Variants in GAB1 observed in about 807,000 individuals in gnomAD.
The protein encoded by GAB1 is GRB2 associated binding protein 1, also known as GRB2-associated-binding protein 1.
A neutral mutation model predicts 66.5 loss-of-function variants in GAB1; 19 were observed. The ratio of observed to expected loss-of-function variants is 0.29; its 90% CI spans 0.20 to 0.42. GAB1 has a LOEUF of 0.42. GAB1 is among the 10% of genes least tolerant of loss of function. The pLI, the probability that GAB1 is intolerant of heterozygous loss-of-function variation, is 1.00. For missense variants in GAB1, 732 were observed against 858.5 expected, an observed-to-expected ratio of 0.85 and a Z score of 1.84; for synonymous variants, 294 against 301.4, an observed-to-expected ratio of 0.98 and a Z score of 0.25.
chr4:143,423,730 C>T (rs1275784293), intron 2 of GAB1, among the ~76,000 whole-genome samples: 5 of 140,932 alleles, frequency 3.5e-5, no homozygotes, highest in African/African-American at 2.6e-5. Flanking sequence ...TGAGCCAGAT[C>T]GCGCCACTGC....
chr4:143,350,658 AC>A (rs1401153256), intron 1 of GAB1, among the ~76,000 whole-genome samples: 1 of 148,356 alleles, frequency 6.7e-6, no homozygotes, highest in Non-Finnish European at 1.5e-5. Context: ...AGCCTGGGCA[AC>A]AAGCGTGAAA....
Position 143,375,483 on chromosome 4 carries a change from G to C in GAB1, c.72+38223G>C, listed in dbSNP as rs77192021. Among the ~76,000 whole-genome samples the C allele has an allele frequency of 8.9e-3, 1,353 of 152,270 alleles. 21 individuals carry two copies. Among genetic ancestry groups the C allele is most frequent in the African/African-American group, 0.031 (1,292 of 41,546 alleles). Reference sequence around the variant, plus strand: ...CTCCTTCACTAGATGGTAGCACCTGGAAGTCAGGGATCATTGCTGACTTAT... The same window carrying C: ...CTCCTTCACTAGATGGTAGCACCTGCAAGTCAGGGATCATTGCTGACTTAT... On this transcript the variant is annotated intron_variant, in intron 1 of 9. Transcript: ENST00000262994.
At chr4:143,374,035 A>G (rs1730304346) in intron 1 of GAB1, among the ~76,000 whole-genome samples, 2 of 151,316 alleles carry the variant, frequency 1.3e-5, no homozygotes, top group South Asian at 2.1e-4. Context: ...ATGCCTCCTT[A>G]TTTATGAGTT....
chr4:143,373,085 G>A (rs1730213263), intron 1 of GAB1, among the ~76,000 whole-genome samples: 1 of 144,212 alleles, frequency 6.9e-6, no homozygotes, highest in Non-Finnish European at 1.5e-5. Flanking sequence ...ACACATCTGT[G>A]TTACTTGACT....
At chr4:143,368,798 T>C (rs1729991975) in intron 1 of GAB1, among the ~76,000 whole-genome samples, 1 of 152,164 alleles carries the variant, frequency 6.6e-6, no homozygotes, top group African/African-American at 2.4e-5. Flanking sequence ...TATAAAGAAA[T>C]ACGAACTCTT....
intron 6 of GAB1, among the ~76,000 whole-genome samples, chr4:143,449,940 C>G (rs577527173): frequency 1.3e-5 from 2 of 152,040 alleles, no homozygotes; most frequent in East Asian, 3.9e-4. Flanking sequence ...GTAAAGCCTA[C>G]TTGATCATTA....
intron 1 of GAB1, among the ~76,000 whole-genome samples, chr4:143,412,238 C>T (rs1261438979): frequency 6.6e-6 from 1 of 152,182 alleles, no homozygotes; most frequent in Non-Finnish European, 1.5e-5. Flanking sequence ...AGGACATGTT[C>T]TGTGCTTTTC....
chr4:143,432,671 A>G (rs1356805324), intron 2 of GAB1, among the ~76,000 whole-genome samples: 1 of 152,182 alleles, frequency 6.6e-6, no homozygotes, highest in Admixed American at 6.5e-5. Context: ...TTCTATTCCT[A>G]AACAGACTAA....
intron 1 of GAB1, chr4:143,395,049 G>A (rs1379065097): frequency 2.0e-5 from 3 of 152,192 alleles, no homozygotes; most frequent in Non-Finnish European, 4.4e-5. Context: ...CATTGTCATT[G>A]CCCATAGGGA....
intron 1 of GAB1, among the ~76,000 whole-genome samples, chr4:143,379,598 G>A (rs960038930): frequency 6.6e-6 from 1 of 151,990 alleles, no homozygotes; most frequent in Admixed American, 6.6e-5. Context: ...CCGGCTGATC[G>A]ATTGCTTGAT....
At chr4:143,403,704 T>A (rs1164822094) in intron 1 of GAB1, among the ~76,000 whole-genome samples, 2 of 152,236 alleles carry the variant, frequency 1.3e-5, no homozygotes, top group Non-Finnish European at 2.9e-5. Context: ...TCATTATCTG[T>A]GCCATAATTT....
chr4:143,369,618 A>G (rs1345344137), intron 1 of GAB1, among the ~76,000 whole-genome samples: 1 of 152,228 alleles, frequency 6.6e-6, no homozygotes, highest in Non-Finnish European at 1.5e-5. Flanking sequence ...CACAATATAT[A>G]TATGATTTCC....
chr4:143,398,298 T>C (rs1731562087), intron 1 of GAB1, among the ~76,000 whole-genome samples: 1 of 152,244 alleles, frequency 6.6e-6, no homozygotes, highest in African/African-American at 2.4e-5. Context: ...CTGCTTATTT[T>C]AGTACCTTTA....
intron 6 of GAB1, among the ~76,000 whole-genome samples, chr4:143,446,251 C>T (rs1324387388): frequency 6.6e-6 from 1 of 152,160 alleles, no homozygotes; most frequent in Admixed American, 6.5e-5. Context: ...CTGCAATAAA[C>T]ATACGTGTGC....
chr4:143,452,025 G>A (rs535172933), intron 6 of GAB1, among the ~76,000 whole-genome samples: 6 of 152,158 alleles, frequency 3.9e-5, no homozygotes, highest in African/African-American at 1.2e-4. Flanking sequence ...GTGTGAAATC[G>A]TGGTGCTACA....
intron 1 of GAB1, among the ~76,000 whole-genome samples, chr4:143,388,187 G>A: frequency 6.6e-6 from 1 of 151,928 alleles, no homozygotes; most frequent in Non-Finnish European, 1.5e-5. Context: ...ACTGCTTTCT[G>A]TGTGGGATTA....
chr4:143,430,969 C>T (rs1733619480), intron 2 of GAB1, among the ~76,000 whole-genome samples: 1 of 152,140 alleles, frequency 6.6e-6, no homozygotes, highest in South Asian at 2.1e-4. Flanking sequence ...TAGGCTTTTT[C>T]TATGTCTCAA....
Position 143,469,411 on chromosome 4 carries a change from A to G in GAB1, c.*222A>G, listed in dbSNP as rs1735973089. 2.1e-6 allele frequency: 1 copy of G among 469,712 alleles called. No individual in the cohort carries two copies. Among genetic ancestry groups the G allele is most frequent in the Admixed American group, 3.3e-5 (1 of 30,738 alleles). 29.1% of individuals were successfully genotyped at this position (469,712 alleles called of 1,614,324 possible). ...ATAATGTGGGAAAATAGTATTGTTTAGCTCCCAGAGAAACATTTGTTCCAC... is the reference window on the plus strand; with the variant it reads ...ATAATGTGGGAAAATAGTATTGTTTGGCTCCCAGAGAAACATTTGTTCCAC... On this transcript the variant is annotated 3_prime_UTR_variant, in exon 10 of 10. Transcript: ENST00000262994.
chr4:143,390,698 G>A (rs907718614), intron 1 of GAB1, among the ~76,000 whole-genome samples: 5 of 152,106 alleles, frequency 3.3e-5, no homozygotes, highest in Non-Finnish European at 7.3e-5. Context: ...CCAAAATACA[G>A]TGAATTAAAG....
Sources: gnomAD v4.1 joint callset for allele counts (sites outside exome capture counted in the v4.1 genomes callset) on GRCh38, gnomAD v4.1.1 for gene constraint, MANE v1.5 for transcripts, NCBI Gene and HGNC (gene_info 2026-07-23, HGNC 2026-07-21) for gene names.